The following PTPRD variants were observed in gnomAD, a reference collection of about 807,000 sequenced individuals.
PTPRD encodes protein tyrosine phosphatase receptor type D, also known as receptor-type tyrosine-protein phosphatase delta.
Under a neutral mutation model 214.5 loss-of-function variants are expected in PTPRD, and 34 were observed. The ratio of observed to expected loss-of-function variants is 0.16; its 90% CI spans 0.12 to 0.21. PTPRD has a LOEUF of 0.21. Among genes scored for constraint, PTPRD ranks in the 10% least tolerant of loss-of-function variants. PTPRD has a pLI of 1.00. For missense variants in PTPRD, 2,545 were observed against 2,398.7 expected, an observed-to-expected ratio of 1.06 and a Z score of -1.27; for synonymous variants, 1,128 against 845.7, an observed-to-expected ratio of 1.33 and a Z score of -5.79.
chr9:8,323,146 C>A (rs1223803118), intron 44 of PTPRD, among the ~76,000 whole-genome samples: 2 of 152,122 alleles, frequency 1.3e-5, no homozygotes, highest in African/African-American at 4.8e-5. Flanking sequence ...GCATGGTTGA[C>A]TGAACATTTT....
rs1963762605 is a variant in PTPRD at position 9,317,268 on chromosome 9, A to T, written c.-203+80181T>A. Among the ~76,000 whole-genome samples the T allele has an allele frequency of 2.6e-5, 4 of 152,314 alleles. No individual in the cohort carries two copies. The South Asian group carries it at 8.3e-4, about 32-fold the overall frequency. Reference sequence around the variant, plus strand: ...ATGCTTCAACCTATTACTATTTACTAACAGCTTCTAGTCCACTAGCTTAAG... The same window carrying T: ...ATGCTTCAACCTATTACTATTTACTTACAGCTTCTAGTCCACTAGCTTAAG... On this transcript the variant is annotated intron_variant, in intron 9 of 45. Coordinates refer to ENST00000381196, the MANE Select transcript of PTPRD (RefSeq NM_002839.4).
chr9:9,287,249 A>G (rs1949783383), intron 9 of PTPRD, among the ~76,000 whole-genome samples: 1 of 151,652 alleles, frequency 6.6e-6, no homozygotes, highest in African/African-American at 2.4e-5. Flanking sequence ...AAAGGTATTT[A>G]GTATAGGAAT....
At chr9:8,416,638 T>C (rs1233485297) in intron 35 of PTPRD, among the ~76,000 whole-genome samples, 2 of 152,076 alleles carry the variant, frequency 1.3e-5, no homozygotes, top group Non-Finnish European at 2.9e-5. Context: ...TCAGTGTAGA[T>C]TTATGACCAG....
intron 8 of PTPRD, among the ~76,000 whole-genome samples, chr9:9,481,372 T>C (rs1034445019): frequency 2.0e-5 from 3 of 152,106 alleles, no homozygotes; most frequent in African/African-American, 7.2e-5. Flanking sequence ...TGTAACACAG[T>C]GACAGGAACA....
At chr9:8,518,678 A>T (rs1004933198) in intron 20 of PTPRD, among the ~76,000 whole-genome samples, 1 of 152,190 alleles carries the variant, frequency 6.6e-6, no homozygotes, top group Non-Finnish European at 1.5e-5. Context: ...TCCTCTACTT[A>T]TTAGCTAAGT....
chr9:8,573,406 G>GAC (rs2091652059), intron 14 of PTPRD, among the ~76,000 whole-genome samples: 1 of 151,892 alleles, frequency 6.6e-6, no homozygotes, highest in African/African-American at 2.4e-5. Flanking sequence ...ACAGAATGAA[G>GAC]ACAGACTTAA....
chr9:9,054,257 G>T (rs2099692168), intron 10 of PTPRD, among the ~76,000 whole-genome samples: 1 of 152,120 alleles, frequency 6.6e-6, no homozygotes, highest in Non-Finnish European at 1.5e-5. Flanking sequence ...TCACCACGAA[G>T]TTCTCATTGT....
At chr9:9,501,159 T>A (rs1453328688) in intron 8 of PTPRD, among the ~76,000 whole-genome samples, 2 of 151,946 alleles carry the variant, frequency 1.3e-5, no homozygotes, top group Non-Finnish European at 2.9e-5. Context: ...ATAATATGAA[T>A]AATTACTTGA....
At chr9:9,551,775 C>T (rs1045298081) in intron 8 of PTPRD, among the ~76,000 whole-genome samples, 2 of 151,916 alleles carry the variant, frequency 1.3e-5, no homozygotes, top group Non-Finnish European at 2.9e-5. Flanking sequence ...CCAGATTGTA[C>T]CAGAGTAAGG....
At position 10,001,369 on chromosome 9, in the gene PTPRD, AGT is replaced by A. The variant is rs543544865; in HGVS notation, c.-472+32347_-472+32348del. 6.4e-3 allele frequency among the ~76,000 whole-genome samples: 979 copies of A among 152,310 alleles called. 7 individuals are homozygous for A. The highest frequency in any genetic ancestry group is 0.019 in the South Asian group (91 of 4,834). On this transcript the variant is annotated intron_variant, in intron 4 of 45. Transcript: ENST00000381196. ...AATATTTGAAGATATAATAGTCAAA[AGT>A]TTCCCAAATTTGGTAAGAAGACAAT... is the stretch of plus-strand genomic sequence containing the variant.
chr9:10,098,053 T>C (rs1393815438), intron 3 of PTPRD, among the ~76,000 whole-genome samples: 2 of 151,794 alleles, frequency 1.3e-5, no homozygotes, highest in East Asian at 1.9e-4. Flanking sequence ...CGTATGTTTA[T>C]TGCGGCACTA....
chr9:10,058,339 C>T (rs986247118), intron 3 of PTPRD, among the ~76,000 whole-genome samples: 1 of 152,002 alleles, frequency 6.6e-6, no homozygotes, highest in Non-Finnish European at 1.5e-5. Context: ...TATAGCCAAT[C>T]GATAGCTATG....
chr9:9,018,819 T>C (rs568997192), intron 10 of PTPRD, 84 bp from the exon 11 acceptor site: 133 of 152,332 alleles, frequency 8.7e-4, no homozygotes, highest in Admixed American at 2.4e-3. Flanking sequence ...TGCATGTTTA[T>C]ATTACTTAGC....
chr9:9,802,983 C>G, intron 5 of PTPRD, among the ~76,000 whole-genome samples: 1 of 151,696 alleles, frequency 6.6e-6, no homozygotes, highest in Non-Finnish European at 1.5e-5. Flanking sequence ...TACTGAACTA[C>G]AAGGAATTTA....
At chr9:9,490,931 TA>T (rs2095866751) in intron 8 of PTPRD, among the ~76,000 whole-genome samples, 1 of 150,604 alleles carries the variant, frequency 6.6e-6, no homozygotes, top group Non-Finnish European at 1.5e-5. Flanking sequence ...AATATGAATA[TA>T]AATGTACTGT....
chr9:9,568,671 C>A (rs759398065), intron 8 of PTPRD, among the ~76,000 whole-genome samples: 1 of 151,750 alleles, frequency 6.6e-6, no homozygotes, highest in South Asian at 2.1e-4. Flanking sequence ...TTTTTTTAAA[C>A]GATAATCAGA....
intron 20 of PTPRD, among the ~76,000 whole-genome samples, chr9:8,519,655 T>A (rs887738283): frequency 6.6e-6 from 1 of 152,214 alleles, no homozygotes; most frequent in African/African-American, 2.4e-5. Flanking sequence ...AGGTTTTTAA[T>A]GAGAATCGTT....
At chr9:9,546,347 G>A (rs935358897) in intron 8 of PTPRD, among the ~76,000 whole-genome samples, 4 of 151,412 alleles carry the variant, frequency 2.6e-5, no homozygotes, top group South Asian at 2.1e-4. Flanking sequence ...TATTGCATAA[G>A]CTAGAACTTA....
rs557596548 is a variant in PTPRD, at chr9:8,675,745, T to A, written c.65-38901A>T. ...CAGATCTTATCTCCATCACCTTGTC[T>A]CCACCCCTGCCGTCCCCACTCTGAT... On this transcript the variant is annotated intron_variant, in intron 12 of 45. Coordinates refer to ENST00000381196, the MANE Select transcript of PTPRD (RefSeq NM_002839.4). Among the ~76,000 whole-genome samples, 490 of 152,176 alleles carry A rather than the reference T, an allele frequency of 3.2e-3. 4 individuals carry two copies. Among genetic ancestry groups the A allele is most frequent in the African/African-American group, 9.5e-3 (394 of 41,508 alleles).
Sources: allele counts gnomAD v4.1 joint callset (sites outside exome capture counted in the v4.1 genomes callset), GRCh38; gene constraint gnomAD v4.1.1; transcripts MANE v1.5; gene names NCBI Gene and HGNC (gene_info 2026-07-23, HGNC 2026-07-21).